AK9: variants seen among roughly 807,000 people sequenced by gnomAD.
AK9 encodes the protein adenylate kinase domain containing 1.
AK9 carries 191 observed loss-of-function variants against 239.6 expected under a neutral mutation model. The observed-to-expected ratio is 0.80, with a 90% confidence interval of 0.71 to 0.90. The LOEUF (loss-of-function observed/expected upper bound fraction) is 0.90, where lower values mean the gene tolerates loss of function less well. Ranked by LOEUF, AK9 falls within the 40% of genes least tolerant of loss-of-function variation. The pLI, the probability that AK9 is intolerant of heterozygous loss-of-function variation, is 0.00. For missense variants in AK9, 1,995 were observed against 2,214.7 expected (o/e 0.90, Z 1.99); for synonymous variants, 689 against 721.0 (o/e 0.96, Z 0.71).
chr6:109,541,826 C>T (rs185963460), intron 27 of AK9, among the ~76,000 whole-genome samples: 84 of 152,328 alleles, frequency 5.5e-4, no homozygotes, highest in Admixed American at 2.2e-3. Context: ...CAGGCTCACA[C>T]TCCTAGAGTT....
intron 13 of AK9, among the ~76,000 whole-genome samples, chr6:109,618,370 T>C (rs1172846020): frequency 6.9e-6 from 1 of 145,616 alleles, no homozygotes; most frequent in Non-Finnish European, 1.5e-5. Flanking sequence ...CAAAAACCAA[T>C]CAATGAACAT....
intron 21 of AK9, among the ~76,000 whole-genome samples, chr6:109,567,384 A>G (rs1447463510): frequency 1.3e-5 from 2 of 152,206 alleles, no homozygotes; most frequent in Non-Finnish European, 2.9e-5. Context: ...AACCAGGAAG[A>G]AGCTGAATCC....
At chr6:109,675,383 CATT>C (rs1771558975) in intron 2 of AK9, among the ~76,000 whole-genome samples, 1 of 152,070 alleles carries the variant, frequency 6.6e-6, no homozygotes, top group Non-Finnish European at 1.5e-5. Flanking sequence ...CACTGATGGG[CATT>C]TAGGTTGATT....
chr6:109,509,881 C>T (rs1343434732), intron 32 of AK9, among the ~76,000 whole-genome samples: 2 of 152,116 alleles, frequency 1.3e-5, no homozygotes, highest in Non-Finnish European at 2.9e-5. Flanking sequence ...CCAGGCATCT[C>T]TGCATCTCTG....
chr6:109,611,932 T>C, intron 16 of AK9, 78 bp downstream of exon 16: 1 of 979,556 alleles, frequency 1.0e-6, no homozygotes, highest in Non-Finnish European at 1.5e-6. Flanking sequence ...ACATTTCTTC[T>C]TCTAAATTCT....
intron 1 of AK9, among the ~76,000 whole-genome samples, chr6:109,679,285 A>G (rs1361167234): frequency 1.3e-5 from 2 of 152,118 alleles, no homozygotes; most frequent in Admixed American, 1.3e-4. Context: ...GGAGTCTGCC[A>G]TTACTGAGGC....
At chr6:109,495,979 A>AT (rs1242959653) in intron 38 of AK9, among the ~76,000 whole-genome samples, 4 of 150,310 alleles carry the variant, frequency 2.7e-5, no homozygotes, top group Non-Finnish European at 2.9e-5. Context: ...ATAATTCCCC[A>AT]TTTAAAAAAA....
chr6:109,578,673 A>T (rs1788434855), intron 20 of AK9, among the ~76,000 whole-genome samples: 1 of 152,126 alleles, frequency 6.6e-6, no homozygotes, highest in Non-Finnish European at 1.5e-5. Context: ...TGATGTAAGC[A>T]TTTAATACTA....
At chr6:109,673,434 A>G (rs1411357660) in intron 3 of AK9, among the ~76,000 whole-genome samples, 1 of 151,968 alleles carries the variant, frequency 6.6e-6, no homozygotes, top group Non-Finnish European at 1.5e-5. Context: ...CTTTTCTTAT[A>G]TTGTTTATTT....
At chr6:109,513,846 T>C (rs544425636) in intron 32 of AK9, among the ~76,000 whole-genome samples, 1 of 152,178 alleles carries the variant, frequency 6.6e-6, no homozygotes, top group Non-Finnish European at 1.5e-5. Context: ...AATAAGGCTA[T>C]TGTTAAGGAA....
intron 17 of AK9, among the ~76,000 whole-genome samples, chr6:109,603,482 A>AC (rs1792366005): frequency 6.6e-6 from 1 of 152,062 alleles, no homozygotes; most frequent in Non-Finnish European, 1.5e-5. Context: ...GTCTGCCCCT[A>AC]CTGGGGGGTG....
intron 28 of AK9, among the ~76,000 whole-genome samples, chr6:109,530,362 A>G (rs945948065): frequency 1.3e-5 from 2 of 152,194 alleles, no homozygotes; most frequent in African/African-American, 2.4e-5. Flanking sequence ...TATAAAACTG[A>G]ACTGAATAAA....
In AK9 at chr6:109,612,023, C is replaced by T. The variant is rs1242241477; in HGVS notation, c.1680G>A (p.Leu560=). 6.6e-7 allele frequency: 1 copy of T among 1,526,604 alleles called. No individual in the cohort carries two copies. Among genetic ancestry groups the T allele is most frequent in the Non-Finnish European group, 8.8e-7 (1 of 1,133,228 alleles). 94.6% of individuals were successfully genotyped at this position (1,526,604 alleles called of 1,614,324 possible). A position where few individuals can be genotyped will look rare whatever the true frequency, so the allele number is the denominator to read the frequency against. ...HSQDASQDVK[L]YSDTAPTEDL... ...ATATTAATTTACCTGTATCTGAATA[C>T]AACTTTACATCTTGACTAGCATCTT... The change falls in exon 16 of 41, where the codon TTG becomes TTA. Residue 560 remains leucine (L), a synonymous_variant. Coordinates refer to ENST00000424296, the MANE Select transcript of AK9 (RefSeq NM_001145128.3).
Position 109,533,247 on chromosome 6 carries a change from A to G in AK9, c.3570+4T>C. 4 of 1,600,462 alleles carry G rather than the reference A, an allele frequency of 2.5e-6. No individual in the cohort carries two copies. Among genetic ancestry groups the G allele is most frequent in the South Asian group, 1.1e-5 (1 of 88,270 alleles). On this transcript the variant is annotated splice_donor_region_variant and intron_variant, in intron 28 of 40. Transcript: ENST00000424296. ...TATTCAATGCATTTTTGCTAGATACATACCCTGATTTTTGCCTTCATGTCT... is the reference window on the plus strand; with the variant it reads ...TATTCAATGCATTTTTGCTAGATACGTACCCTGATTTTTGCCTTCATGTCT...
rs1417038720 is a variant in AK9 at position 109,654,342 on chromosome 6, T to TA, written c.759+2413_759+2414insT. ...CATTGTTTTATATATAATATATATA[T>TA]TTTTTTTCTTTTTTGAGACGGAGTC... On this transcript the variant is annotated intron_variant, in intron 8 of 40. Coordinates refer to ENST00000424296, the MANE Select transcript of AK9 (RefSeq NM_001145128.3). Among the ~76,000 whole-genome samples, 5 of 151,842 alleles carry TA rather than the reference T, an allele frequency of 3.3e-5. No homozygotes were observed. The East Asian group carries it at 7.7e-4, about 23-fold the overall frequency.
At chr6:109,509,475 G>A in intron 32 of AK9, 95 bp from the exon 33 acceptor site, 1 of 1,106,550 alleles carries the variant, frequency 9.0e-7, no homozygotes, top group East Asian at 2.6e-5. Flanking sequence ...GTGATGCTCA[G>A]GTTTGGGCTT....
At chr6:109,681,500 G>A (rs562826954) in intron 1 of AK9, among the ~76,000 whole-genome samples, 96 of 152,226 alleles carry the variant, frequency 6.3e-4, no homozygotes, top group African/African-American at 2.3e-3. Context: ...AATAATGGGA[G>A]ACTTTAACAC....
chr6:109,604,078 C>A (rs1464611251), intron 17 of AK9, among the ~76,000 whole-genome samples: 2 of 151,734 alleles, frequency 1.3e-5, no homozygotes, highest in Non-Finnish European at 2.9e-5. Context: ...CCCCCACTAT[C>A]CTGCACCCAC....
intron 5 of AK9, among the ~76,000 whole-genome samples, chr6:109,664,297 T>C (rs112745651): frequency 0.01 from 1,591 of 152,272 alleles, 27 homozygotes; most frequent in African/African-American, 0.037. Context: ...CTTAATGCAA[T>C]GCCTAGAATA....
Sources: gnomAD v4.1 joint callset for allele counts (sites outside exome capture counted in the v4.1 genomes callset) on GRCh38, gnomAD v4.1.1 for gene constraint, MANE v1.5 for transcripts, NCBI Gene and HGNC (gene_info 2026-07-23, HGNC 2026-07-21) for gene names.